The following CTNNA3 variants were observed in gnomAD, a reference collection of about 807,000 sequenced individuals.
CTNNA3 encodes the protein catenin alpha 3, also known as catenin alpha-3.
Under a neutral mutation model 95.7 loss-of-function variants are expected in CTNNA3, and 76 were observed. That is an observed-to-expected ratio of 0.79 (90% CI 0.66 to 0.96). CTNNA3 has a LOEUF of 0.96. Ranked by LOEUF, CTNNA3 falls within the 40% of genes least tolerant of loss-of-function variation. The probability of loss-of-function intolerance (pLI) is 0.00; values close to 1 mark genes in which losing one functional copy is unlikely to be tolerated. For synonymous variants in CTNNA3, 431 were observed against 374.4 expected, an observed-to-expected ratio of 1.15 and a Z score of -1.74; for missense variants, 1,191 against 1,089.8, an observed-to-expected ratio of 1.09 and a Z score of -1.31.
intron 15 of CTNNA3, among the ~76,000 whole-genome samples, chr10:66,020,816 C>A (rs2079188466): frequency 6.6e-6 from 1 of 151,986 alleles, no homozygotes; most frequent in South Asian, 2.1e-4. Flanking sequence ...GGACTACAGG[C>A]ACCTGCCACC....
In CTNNA3 at chr10:66,031,048, G is replaced by A. The variant is rs143103086; in HGVS notation, c.2159+38260C>T. On this transcript the variant is annotated intron_variant, in intron 15 of 17. Transcript: ENST00000433211. ...TCTCACATGACTTTATTAAAAAGTC[G>A]AAAACTGATAGATGGTGGTGAGGAT... is the stretch of plus-strand genomic sequence containing the variant. Among the ~76,000 whole-genome samples, 202 of 152,114 alleles carry A rather than the reference G, an allele frequency of 1.3e-3. 1 individual carries two copies. Among genetic ancestry groups the A allele is most frequent in the Middle Eastern group, 3.4e-3 (1 of 294 alleles).
At chr10:66,514,250 T>C (rs1840762086) in intron 11 of CTNNA3, among the ~76,000 whole-genome samples, 1 of 152,134 alleles carries the variant, frequency 6.6e-6, no homozygotes, top group South Asian at 2.1e-4. Flanking sequence ...ATAAATACTT[T>C]TACACATTCA....
At chr10:66,063,777 T>C (rs146579647) in intron 15 of CTNNA3, among the ~76,000 whole-genome samples, 1 of 152,246 alleles carries the variant, frequency 6.6e-6, no homozygotes, top group East Asian at 1.9e-4. Flanking sequence ...ATTTATTCTA[T>C]TTAATTCTAT....
chr10:67,681,671 T>C (rs566650712), intron 1 of CTNNA3, among the ~76,000 whole-genome samples: 1 of 152,030 alleles, frequency 6.6e-6, no homozygotes, highest in Admixed American at 6.6e-5. Flanking sequence ...CAGAAAGCCC[T>C]TTCTAAGCAA....
chr10:66,957,522 G>A (rs1564794146), intron 7 of CTNNA3, among the ~76,000 whole-genome samples: 1 of 150,472 alleles, frequency 6.6e-6, no homozygotes, highest in Non-Finnish European at 1.5e-5. Flanking sequence ...GGGCATAGTG[G>A]GAAGGACATT....
intron 5 of CTNNA3, among the ~76,000 whole-genome samples, chr10:67,311,974 C>T (rs553563295): frequency 2.4e-4 from 36 of 152,014 alleles, no homozygotes; most frequent in Non-Finnish European, 5.0e-4. Flanking sequence ...CACACACACG[C>T]ACACGTACCA....
Position 67,562,122 on chromosome 10 carries a change from C to G in CTNNA3, c.293-22453G>C, listed in dbSNP as rs145962996. ...CCAATCAATAGAAAAAGAGGGAATC[C>G]TCCCTAACTCATTTTATGAGGTCAG... On this transcript the variant is annotated intron_variant, in intron 3 of 17. Transcript: ENST00000433211. Among the ~76,000 whole-genome samples, 898 of 152,260 alleles carry G rather than the reference C, an allele frequency of 5.9e-3. 21 individuals carry two copies. In the East Asian group the frequency reaches 0.069, roughly 12 times the overall value.
intron 5 of CTNNA3, among the ~76,000 whole-genome samples, chr10:67,254,555 T>G (rs1866255755): frequency 6.6e-6 from 1 of 152,212 alleles, no homozygotes; most frequent in Admixed American, 6.5e-5. Context: ...GTAATGCTAC[T>G]TCTATTAACA....
At chr10:66,753,539 G>A (rs536639791) in intron 9 of CTNNA3, among the ~76,000 whole-genome samples, 16 of 151,956 alleles carry the variant, frequency 1.1e-4, no homozygotes, top group Non-Finnish European at 2.2e-4. Flanking sequence ...GTGGGCACCC[G>A]TAATCCCAGC....
At chr10:66,711,684 G>A (rs1290883886) in intron 9 of CTNNA3, among the ~76,000 whole-genome samples, 1 of 151,946 alleles carries the variant, frequency 6.6e-6, no homozygotes, top group African/African-American at 2.4e-5. Context: ...GAGTAGCTGG[G>A]ATTATAGGCG....
chr10:66,138,837 A>G lies in CTNNA3; in HGVS notation c.1885-35588T>C, dbSNP rs945179009. Among the ~76,000 whole-genome samples, 11 of 152,288 alleles carry G rather than the reference A, an allele frequency of 7.2e-5. No individual in the cohort carries two copies. The South Asian group carries it at 8.3e-4, about 11-fold the overall frequency. ...TTGCACCACTGCATTCCAGCCTGGG[A>G]ACAAAGGGAGACTGTTTCAAAATGA... is the stretch of plus-strand genomic sequence containing the variant. On this transcript the variant is annotated intron_variant, in intron 13 of 17. Transcript: ENST00000433211.
intron 7 of CTNNA3, among the ~76,000 whole-genome samples, chr10:67,095,386 G>A (rs1015256285): frequency 2.0e-5 from 3 of 151,672 alleles, no homozygotes; most frequent in Non-Finnish European, 4.4e-5. Flanking sequence ...ATGGCATAAA[G>A]TATTTCAAAA....
intron 15 of CTNNA3, among the ~76,000 whole-genome samples, chr10:66,030,418 T>C (rs939770637): frequency 3.3e-5 from 5 of 152,108 alleles, no homozygotes; most frequent in Admixed American, 2.6e-4. Flanking sequence ...TCTACAACCA[T>C]TTGAACATCA....
At chr10:66,669,927 A>T (rs139673626) in intron 9 of CTNNA3, among the ~76,000 whole-genome samples, 113 of 152,256 alleles carry the variant, frequency 7.4e-4, no homozygotes, top group Non-Finnish European at 1.3e-3. Context: ...GGGTGAGGAG[A>T]GGAAGGGGGG....
At chr10:67,261,536 G>A (rs1164822847) in intron 5 of CTNNA3, among the ~76,000 whole-genome samples, 6 of 152,090 alleles carry the variant, frequency 3.9e-5, no homozygotes, top group Non-Finnish European at 7.4e-5. Flanking sequence ...TAATCAAGCA[G>A]AGTAAGGAGG....
intron 14 of CTNNA3, among the ~76,000 whole-genome samples, chr10:66,090,919 C>T (rs1250357489): frequency 6.6e-6 from 1 of 151,854 alleles, no homozygotes; most frequent in Non-Finnish European, 1.5e-5. Context: ...TATAAAAATA[C>T]TATTTCGGTT....
intron 3 of CTNNA3, among the ~76,000 whole-genome samples, chr10:67,603,628 TA>T (rs1304560014): frequency 5.9e-5 from 9 of 151,520 alleles, no homozygotes; most frequent in Non-Finnish European, 1.3e-4. Context: ...ATTAAAAATG[TA>T]AAAAAGAAAA....
chr10:67,723,734 C>T (rs1181051668), intron 1 of CTNNA3, among the ~76,000 whole-genome samples: 2 of 152,176 alleles, frequency 1.3e-5, no homozygotes, highest in African/African-American at 4.8e-5. Context: ...GCCCTGCCCA[C>T]ACCTGCTTAG....
intron 1 of CTNNA3, among the ~76,000 whole-genome samples, chr10:67,716,397 C>T (rs896973574): frequency 1.3e-4 from 19 of 151,916 alleles, no homozygotes; most frequent in South Asian, 4.2e-4. Context: ...TAGGTATATA[C>T]GTGCCATGGT....
Sources: allele counts gnomAD v4.1 joint callset (sites outside exome capture counted in the v4.1 genomes callset), GRCh38; gene constraint gnomAD v4.1.1; transcripts MANE v1.5; gene names NCBI Gene and HGNC (gene_info 2026-07-23, HGNC 2026-07-21).